Variants in OTOF observed in about 807,000 individuals in gnomAD.
The protein encoded by OTOF is fer-1-like family member 2.
In OTOF, 218 loss-of-function variants were observed where a neutral mutation model predicts 236.8. The ratio of observed to expected loss-of-function variants is 0.92; its 90% CI spans 0.82 to 1.03. The LOEUF is 1.03. OTOF is among the 50% of genes least tolerant of loss of function. The pLI is 0.00. For synonymous variants in OTOF, 1,041 were observed against 1,072.5 expected (o/e 0.97, Z 0.57); for missense variants, 2,590 against 2,694.4 (o/e 0.96, Z 0.86).
At position 26,501,753 on chromosome 2, in the gene OTOF, C is replaced by G. The variant is rs1207567940; in HGVS notation, c.765+1G>C. On this transcript the variant is annotated splice_donor_variant, in intron 8 of 46. Transcript: ENST00000272371. LOFTEE classifies it high-confidence loss of function. Reference sequence around the variant, plus strand: ...CATGAGGCCTCCAGGTGCCCACCTACCTGGTAATCCATGGGCCGCCCAGCA... The same window carrying G: ...CATGAGGCCTCCAGGTGCCCACCTAGCTGGTAATCCATGGGCCGCCCAGCA... The G allele has an allele frequency of 1.2e-6, 2 of 1,611,706 alleles. No homozygotes were observed. The highest frequency in any genetic ancestry group is 2.2e-5 in the South Asian group (2 of 91,046).
At chr2:26,478,154 G>A in intron 18 of OTOF, 1 of 725,668 alleles carries the variant, frequency 1.4e-6, no homozygotes, top group Non-Finnish European at 1.9e-6. Context: ...GGGAACAGAT[G>A]CCTGGGGGAA....
chr2:26,502,573 T>C, intron 6 of OTOF, 147 bp from the exon 7 acceptor site: 1 of 831,224 alleles, frequency 1.2e-6, no homozygotes, highest in Non-Finnish European at 2.0e-6. Context: ...CCTGAATAAC[T>C]GCAGTGTTTT....
Position 26,543,073 on chromosome 2 carries a change from C to T in OTOF, c.80-5299G>A, listed in dbSNP as rs138659814. 7.9e-5 allele frequency among the ~76,000 whole-genome samples: 12 copies of T among 152,284 alleles called. No homozygotes were observed. The East Asian group carries it at 1.9e-3, about 25-fold the overall frequency. Reference sequence around the variant, plus strand: ...GCTGTACAAAGCTCAGCAAATAGTCCCATTCCCTCCCACAAAGCTCCCATG... The same window carrying T: ...GCTGTACAAAGCTCAGCAAATAGTCTCATTCCCTCCCACAAAGCTCCCATG... On this transcript the variant is annotated intron_variant, in intron 1 of 46. Transcript: ENST00000272371.
At chr2:26,522,235 A>G (rs933962639) in intron 3 of OTOF, among the ~76,000 whole-genome samples, 1 of 152,238 alleles carries the variant, frequency 6.6e-6, no homozygotes, top group South Asian at 2.1e-4. Flanking sequence ...ATTTTTTGAC[A>G]TGGACAATTG....
intron 5 of OTOF, among the ~76,000 whole-genome samples, chr2:26,513,518 G>C (rs1305780105): frequency 1.3e-5 from 2 of 152,152 alleles, no homozygotes; most frequent in African/African-American, 4.8e-5. Flanking sequence ...CCCCCAGCAG[G>C]CCTTCATTTC....
rs111033349 is a variant in OTOF, at chr2:26,461,854, C to T, written c.5375G>A (p.Arg1792His). 16 of 1,614,056 alleles carry T rather than the reference C, an allele frequency of 9.9e-6. No homozygotes were observed. The highest frequency in any genetic ancestry group is 1.3e-5 in the African/African-American group (1 of 74,898). Residue 1792 changes from arginine to histidine, a missense_variant, in exon 43 of 47, where the codon CGC becomes CAC. Arg to His is a conservative substitution (Grantham distance 29). Coordinates refer to ENST00000272371, the MANE Select transcript of OTOF (RefSeq NM_194248.3). This position sits in a 1 kb window ranked among gnomAD's most constrained non-coding sequence, Gnocchi z 6.2. Reference protein sequence around the residue: ...SLTGEGNFNWRYLFPFDYLAA... With the variant: ...SLTGEGNFNWHYLFPFDYLAA... ...CAGGTAGTCGAAGGGGAACAGGTAG[C>T]GCCAGTTGAAGTTGCCCTCGCCAGT...
chr2:26,550,099 C>T (rs1208668594), intron 1 of OTOF, among the ~76,000 whole-genome samples: 13 of 150,008 alleles, frequency 8.7e-5, no homozygotes, highest in African/African-American at 3.0e-4. Context: ...CCTTAAACTT[C>T]GGCTGAAAAA....
intron 10 of OTOF, among the ~76,000 whole-genome samples, 182 bp downstream of exon 10, chr2:26,489,496 G>A (rs1361757778): frequency 2.6e-5 from 4 of 152,238 alleles, no homozygotes; most frequent in African/African-American, 7.2e-5. Context: ...CTATTCAGAG[G>A]CATCCAATGA....
chr2:26,461,987 C>T lies in OTOF; in HGVS notation c.5292-50G>A, dbSNP rs755997808. On this transcript the variant is annotated intron_variant, in intron 42 of 46. Transcript: ENST00000272371. This position sits in a 1 kb window ranked among gnomAD's most constrained non-coding sequence, Gnocchi z 6.2. Reference sequence around the variant, plus strand: ...CGCAGCCAGGCTGGTGGGGCCTCTCCCACCCACAGCCACCTTCCCTCTGCC... The same window carrying T: ...CGCAGCCAGGCTGGTGGGGCCTCTCTCACCCACAGCCACCTTCCCTCTGCC... 3 of 1,613,376 alleles carry T rather than the reference C, an allele frequency of 1.9e-6. No homozygotes were observed. The highest frequency in any genetic ancestry group is 4.5e-5 in the East Asian group (2 of 44,874).
At chr2:26,468,588 C>A in intron 32 of OTOF, 114 bp from the exon 33 acceptor site, 1 of 820,228 alleles carries the variant, frequency 1.2e-6, no homozygotes. Flanking sequence ...AAAATCTTCC[C>A]TACTGCATTT....
chr2:26,460,078 G>A lies in OTOF; in HGVS notation c.5941C>T (p.Leu1981=). The A allele has an allele frequency of 7.0e-6, 11 of 1,575,938 alleles. No individual in the cohort carries two copies. Among genetic ancestry groups the A allele is most frequent in the Non-Finnish European group, 9.5e-6 (11 of 1,160,666 alleles). The change falls in exon 46 of 47, where the codon CTG becomes TTG. Residue 1981 remains leucine (L), a synonymous_variant. Transcript: ENST00000272371. This position sits in a 1 kb window ranked among gnomAD's most constrained non-coding sequence, Gnocchi z 5.3. ...TAGCCAGGCACAGAGTAGAGGAACA[G>A]GGCGAGGAGGAGGAGCAGCAGCAGG... The part of the protein sequence containing the change: ...LLLLLLLLLA[L]FLYSVPGYLV...
chr2:26,558,465 C>T lies in OTOF; in HGVS notation c.79+28G>A, dbSNP rs144623968. The T allele has an allele frequency of 5.4e-4, 858 of 1,593,162 alleles. 5 individuals carry two copies. In the African/African-American group the frequency reaches 9.8e-3, roughly 18 times the overall value. On this transcript the variant is annotated intron_variant, in intron 1 of 46. Transcript: ENST00000272371. ...GGGCTGGTCCAGCTCTCAGAGCTGG[C>T]GTCCCTCTGAGACAGCGGCTTCCCT...
At chr2:26,503,961 C>T in intron 5 of OTOF, 116 bp from the exon 6 acceptor site, 2 of 891,596 alleles carry the variant, frequency 2.2e-6, no homozygotes, top group South Asian at 2.7e-5. Flanking sequence ...TGGACCCGGC[C>T]CCTCACCTAC....
chr2:26,551,500 C>A (rs1054571665), intron 1 of OTOF, among the ~76,000 whole-genome samples: 1 of 152,210 alleles, frequency 6.6e-6, no homozygotes, highest in African/African-American at 2.4e-5. Flanking sequence ...GGGTGGCTTC[C>A]CCCCATCCTG....
intron 1 of OTOF, among the ~76,000 whole-genome samples, chr2:26,557,688 T>C (rs1667627328): frequency 1.3e-5 from 2 of 151,938 alleles, no homozygotes; most frequent in Admixed American, 1.3e-4. Context: ...CTTCGGGTAT[T>C]AGCTGAGTGT....
Position 26,458,019 on chromosome 2 carries a change from G to T in OTOF, c.*219C>A. 6 of 1,605,860 alleles carry T rather than the reference G, an allele frequency of 3.7e-6. No homozygotes were observed. The highest frequency in any genetic ancestry group is 5.1e-6 in the Non-Finnish European group (6 of 1,174,686). The stretch of plus-strand genomic sequence containing the variant: ...GGAAATGCGGCAGGGCTGGGGAGCG[G>T]CTGGCGGGAGCTGGCGGCCTTCATG... On this transcript the variant is annotated 3_prime_UTR_variant, in exon 47 of 47. Transcript: ENST00000272371.
intron 7 of OTOF, 39 bp downstream of exon 7, chr2:26,502,261 G>A: frequency 6.2e-7 from 1 of 1,612,376 alleles, no homozygotes; most frequent in Non-Finnish European, 8.5e-7. Context: ...GCCTGACAGG[G>A]TGGGGGCAGC....
chr2:26,475,532 AG>A (rs552439777), intron 24 of OTOF, 39 bp from the exon 25 acceptor site: 40 of 1,597,256 alleles, frequency 2.5e-5, no homozygotes, highest in African/African-American at 8.1e-5. Context: ...CAAGTGACAG[AG>A]GGGGGGGCAG....
rs1481314940 is a variant in OTOF at position 26,474,493 on chromosome 2, C to T, written c.3288+20G>A. On this transcript the variant is annotated intron_variant, in intron 26 of 46. Transcript: ENST00000272371. Reference sequence around the variant, plus strand: ...AGCCTCCAGTCCCCAGGCCTCAGCCCCTCTTCCCTGCAGTCCCACCTGCAG... The same window carrying T: ...AGCCTCCAGTCCCCAGGCCTCAGCCTCTCTTCCCTGCAGTCCCACCTGCAG... The T allele has an allele frequency of 6.3e-7, 1 of 1,580,712 alleles. No homozygotes were observed. The highest frequency in any genetic ancestry group is 1.8e-5 in the Admixed American group (1 of 55,628).
Sources: allele counts gnomAD v4.1 joint callset (sites outside exome capture counted in the v4.1 genomes callset), GRCh38; gene constraint gnomAD v4.1.1; non-coding constraint Gnocchi (gnomAD v3.1); transcripts MANE v1.5; gene names NCBI Gene and HGNC (gene_info 2026-07-23, HGNC 2026-07-21).